Variants in ATXN8OS observed in about 807,000 individuals in gnomAD.
ATXN8OS encodes ATXN8 opposite strand lncRNA.
intron 4 of ATXN8OS, among the ~76,000 whole-genome samples, chr13:70,156,241 A>ATAAGTG (rs1439264670): frequency 2.0e-3 from 232 of 116,698 alleles, no homozygotes; most frequent in African/African-American, 5.6e-3. Flanking sequence ...ATGGGTGGGT[A>ATAAGTG]TGAGTGTGTG....
chr13:70,108,232 C>T (rs558977050), intron 1 of ATXN8OS: 563 of 390,574 alleles, frequency 1.4e-3, no homozygotes, highest in Non-Finnish European at 2.1e-3. Flanking sequence ...AAGCGTACCC[C>T]TCGCCAGATC....
At chr13:70,163,713 A>G (rs1442546082) in intron 4 of ATXN8OS, among the ~76,000 whole-genome samples, 1 of 151,936 alleles carries the variant, frequency 6.6e-6, no homozygotes, top group Non-Finnish European at 1.5e-5. Flanking sequence ...ATTTTTTACA[A>G]TATGTATCAG....
At chr13:70,119,250 G>A (rs899270204) in intron 2 of ATXN8OS, among the ~76,000 whole-genome samples, 12 of 152,080 alleles carry the variant, frequency 7.9e-5, no homozygotes, top group African/African-American at 2.7e-4. Context: ...AGGTCAGAGA[G>A]GCCTAGTTAG....
intron 2 of ATXN8OS, among the ~76,000 whole-genome samples, chr13:70,127,587 T>G (rs1165056076): frequency 6.6e-6 from 1 of 151,924 alleles, no homozygotes; most frequent in Non-Finnish European, 1.5e-5. Context: ...GAAACCAGAT[T>G]GAAGAAAAAA....
intron 1 of ATXN8OS, chr13:70,108,222 A>G (rs1888126080): frequency 2.5e-6 from 1 of 392,916 alleles, no homozygotes. Context: ...AGTCTCGAGG[A>G]AGCGTACCCC....
At chr13:70,107,878 C>T (rs1888114813) in exon 1 of ATXN8OS, 3 of 545,360 alleles carry the variant, frequency 5.5e-6, no homozygotes, top group East Asian at 3.0e-5. Flanking sequence ...GGAGCGCAGA[C>T]GGCAAAGCCG....
intron 4 of ATXN8OS, among the ~76,000 whole-genome samples, chr13:70,157,689 C>A (rs1365186903): frequency 6.6e-6 from 1 of 151,998 alleles, no homozygotes; most frequent in Non-Finnish European, 1.5e-5. Context: ...ACACGGAGAA[C>A]CTTATATTGT....
intron 1 of ATXN8OS, among the ~76,000 whole-genome samples, chr13:70,109,421 C>G (rs912804670): frequency 6.6e-6 from 1 of 152,166 alleles, no homozygotes; most frequent in South Asian, 2.1e-4. Flanking sequence ...TAACCCCCAA[C>G]AGAGCATAGG....
At chr13:70,150,624 C>A (rs1272537750) in intron 4 of ATXN8OS, among the ~76,000 whole-genome samples, 1 of 151,972 alleles carries the variant, frequency 6.6e-6, no homozygotes, top group Non-Finnish European at 1.5e-5. Context: ...GACTTTGGCC[C>A]AATTTGATGT....
intron 4 of ATXN8OS, among the ~76,000 whole-genome samples, chr13:70,158,596 G>C (rs1267677836): frequency 1.3e-5 from 2 of 152,168 alleles, no homozygotes; most frequent in Non-Finnish European, 2.9e-5. Context: ...TTTCTGTAAA[G>C]GGTCAGATAG....
intron 4 of ATXN8OS, among the ~76,000 whole-genome samples, chr13:70,166,215 C>T (rs1046934052): frequency 1.3e-5 from 2 of 151,936 alleles, no homozygotes; most frequent in African/African-American, 2.4e-5. Flanking sequence ...CAAGTCAATC[C>T]TAGGCCAAAA....
chr13:70,152,624 G>T (rs1020884349), intron 4 of ATXN8OS, among the ~76,000 whole-genome samples: 17 of 151,804 alleles, frequency 1.1e-4, no homozygotes, highest in Admixed American at 5.9e-4. Flanking sequence ...GTAGCACCTG[G>T]CATGTAGGAG....
chr13:70,121,029 A>C (rs1032789178), intron 2 of ATXN8OS, among the ~76,000 whole-genome samples: 3 of 152,082 alleles, frequency 2.0e-5, no homozygotes, highest in Non-Finnish European at 2.9e-5. Context: ...TATGTAACTA[A>C]CCTGCACGTT....
exon 1 of ATXN8OS, chr13:70,107,857 A>AGGCGAAGGCTGGAGCGCAGAC (rs1302284831): frequency 5.0e-6 from 3 of 597,292 alleles, no homozygotes; most frequent in South Asian, 5.4e-5. Flanking sequence ...GCGCTCTGCC[A>AGGCGAAGGCTGGAGCGCAGAC]GGCGAAGGCT....
chr13:70,112,679 C>T (rs1035588225), intron 1 of ATXN8OS, among the ~76,000 whole-genome samples: 1 of 151,976 alleles, frequency 6.6e-6, no homozygotes, highest in Non-Finnish European at 1.5e-5. Flanking sequence ...TCTGGCAATA[C>T]ATTTGTATAG....
intron 4 of ATXN8OS, among the ~76,000 whole-genome samples, chr13:70,166,266 T>C (rs1252844665): frequency 1.3e-5 from 2 of 152,028 alleles, no homozygotes; most frequent in African/African-American, 4.8e-5. Context: ...CTTCAAGCTA[T>C]ACTACAAGGC....
intron 3 of ATXN8OS, among the ~76,000 whole-genome samples, chr13:70,140,142 A>G (rs1227969616): frequency 6.6e-6 from 1 of 152,132 alleles, no homozygotes; most frequent in Admixed American, 6.6e-5. Flanking sequence ...GTAGAAACTG[A>G]TGGAGTTAGT....
At chr13:70,163,134 A>C (rs1168103728) in intron 4 of ATXN8OS, among the ~76,000 whole-genome samples, 1 of 152,088 alleles carries the variant, frequency 6.6e-6, no homozygotes, top group African/African-American at 2.4e-5. Flanking sequence ...ATTATGACAA[A>C]TCCTGATAGT....
At chr13:70,107,740 G>T, upstream of ATXN8OS, 5 of 1,461,034 alleles carry the variant, frequency 3.4e-6, no homozygotes, top group Non-Finnish European at 4.5e-6. Context: ...GCTCACGCAG[G>T]AGTAGGCTGG....
Sources: allele counts gnomAD v4.1 joint callset (sites outside exome capture counted in the v4.1 genomes callset), GRCh38; gene constraint gnomAD v4.1.1; transcripts MANE v1.5; gene names NCBI Gene and HGNC (gene_info 2026-07-23, HGNC 2026-07-21).